Variants in EPHB2 observed in about 807,000 individuals in gnomAD.
EPHB2 encodes the protein EPH receptor B2.
Under a neutral mutation model 96.4 loss-of-function variants are expected in EPHB2, and 18 were observed. That is an observed-to-expected ratio of 0.19 (90% CI 0.13 to 0.28). The LOEUF (loss-of-function observed/expected upper bound fraction) is 0.28. Ranked by LOEUF, EPHB2 falls within the 10% of genes least tolerant of loss-of-function variation. EPHB2 has a pLI of 1.00. For missense variants in EPHB2, 989 were observed against 1,355.4 expected (o/e 0.73, Z 4.25); for synonymous variants, 506 against 534.1 (o/e 0.95, Z 0.72).
At chr1:22,713,719 A>ACTTCCTTCCCTTCCTC (rs1553157211) in intron 1 of EPHB2, among the ~76,000 whole-genome samples, 2 of 152,060 alleles carry the variant, frequency 1.3e-5, no homozygotes, top group Non-Finnish European at 2.9e-5. Context: ...CATGGCTACC[A>ACTTCCTTCCCTTCCTC]CTTCCTTCCC....
intron 1 of EPHB2, among the ~76,000 whole-genome samples, chr1:22,753,572 C>T (rs764506340): frequency 2.6e-5 from 4 of 152,152 alleles, no homozygotes; most frequent in South Asian, 2.1e-4. Context: ...AAGGCAAGGG[C>T]TGGCTAGGTG....
intron 3 of EPHB2, among the ~76,000 whole-genome samples, chr1:22,803,317 C>T (rs1207505791): frequency 4.6e-5 from 7 of 152,088 alleles, no homozygotes; most frequent in Non-Finnish European, 1.0e-4. Flanking sequence ...CTGTAAGAAT[C>T]GTGGTTAGGC....
chr1:22,889,932 TTGAC>T (rs1381761116), intron 6 of EPHB2, among the ~76,000 whole-genome samples: 2 of 152,230 alleles, frequency 1.3e-5, no homozygotes, highest in African/African-American at 4.8e-5. Flanking sequence ...AAATTTAAAT[TTGAC>T]TGAGCAGCAT....
intron 9 of EPHB2, among the ~76,000 whole-genome samples, chr1:22,905,208 G>A (rs1639871534): frequency 6.6e-6 from 1 of 152,152 alleles, no homozygotes; most frequent in African/African-American, 2.4e-5. Context: ...AAAAATAAGT[G>A]TTGGACAGAA....
At chr1:22,912,670 T>A in intron 15 of EPHB2, 71 bp downstream of exon 15, 1 of 1,597,966 alleles carries the variant, frequency 6.3e-7, no homozygotes. Flanking sequence ...CCAAGTGGGG[T>A]GATCTGGAGG....
intron 3 of EPHB2, among the ~76,000 whole-genome samples, chr1:22,820,910 A>T (rs4589082): frequency 0.17 from 26,353 of 152,266 alleles, 2,885 homozygotes; most frequent in Non-Finnish European, 0.24. Flanking sequence ...GTATGTTTGA[A>T]TCCACGGCAT....
At chr1:22,901,829 G>GTGTGTGTGTT (rs1553176901) in intron 9 of EPHB2, among the ~76,000 whole-genome samples, 7 of 151,770 alleles carry the variant, frequency 4.6e-5, no homozygotes, top group African/African-American at 1.7e-4. Context: ...GAGTGTGTGT[G>GTGTGTGTGTT]TGTGTGTGTG....
intron 1 of EPHB2, chr1:22,774,732 A>G (rs1220309427): frequency 2.0e-6 from 1 of 498,314 alleles, no homozygotes; most frequent in Non-Finnish European, 2.6e-6. Context: ...AAGGGCGATC[A>G]CACATGGACT....
In EPHB2 at chr1:22,730,685, C is replaced by A. The variant is rs113078836; in HGVS notation, c.61+19642C>A. On this transcript the variant is annotated intron_variant, in intron 1 of 15. Coordinates refer to ENST00000374630, the MANE Select transcript of EPHB2 (RefSeq NM_017449.5). ...GCAGTGAGGAGAGCTGGGCAAAGGC[C>A]CTGTGACAGGGGTGTGCAAGGCAGC... is the stretch of plus-strand genomic sequence containing the variant. Among the ~76,000 whole-genome samples the A allele has an allele frequency of 3.8e-3, 571 of 151,866 alleles. 4 individuals carry two copies. Among genetic ancestry groups the A allele is most frequent in the African/African-American group, 0.013 (526 of 41,368 alleles).
At chr1:22,769,117 G>A (rs1469164099) in intron 1 of EPHB2, among the ~76,000 whole-genome samples, 1 of 152,122 alleles carries the variant, frequency 6.6e-6, no homozygotes, top group Non-Finnish European at 1.5e-5. Context: ...GGTGGGATGG[G>A]CCCCAGCCAT....
intron 1 of EPHB2, among the ~76,000 whole-genome samples, chr1:22,746,450 G>A (rs1241332953): frequency 6.6e-6 from 1 of 152,194 alleles, no homozygotes; most frequent in Non-Finnish European, 1.5e-5. Flanking sequence ...CTGGAACTGA[G>A]AGCTCCATGA....
chr1:22,857,894 C>T (rs1032425750), intron 3 of EPHB2, among the ~76,000 whole-genome samples: 9 of 152,156 alleles, frequency 5.9e-5, no homozygotes, highest in South Asian at 4.1e-4. Context: ...CAGACAGACC[C>T]GGCTCCTCCT....
intron 3 of EPHB2, among the ~76,000 whole-genome samples, chr1:22,799,029 C>T (rs934870773): frequency 6.6e-6 from 1 of 152,188 alleles, no homozygotes; most frequent in Non-Finnish European, 1.5e-5. Context: ...CTAATATGTG[C>T]GTGTGTCACG....
intron 3 of EPHB2, among the ~76,000 whole-genome samples, chr1:22,789,890 A>G (rs1644666682): frequency 6.6e-6 from 1 of 152,172 alleles, no homozygotes; most frequent in East Asian, 1.9e-4. Flanking sequence ...CTGTGGGGAA[A>G]GCATTCCAGG....
chr1:22,916,235 C>G lies in EPHB2; in HGVS notation c.*2665C>G, dbSNP rs1471291354. 1 of 152,362 alleles carries G rather than the reference C, an allele frequency of 6.6e-6. No homozygotes were observed. The highest frequency in any genetic ancestry group is 2.4e-5 in the African/African-American group (1 of 41,464). 9.4% of individuals were successfully genotyped at this position (152,362 alleles called of 1,614,324 possible). On this transcript the variant is annotated 3_prime_UTR_variant, in exon 16 of 16. Transcript: ENST00000374630. This position sits in a 1 kb window ranked among gnomAD's most constrained non-coding sequence, Gnocchi z 4.2. ...TCTGTCTCCCCAGCCCACCCCCCAA[C>G]TGTTCTGGGGCCCCACATGGGGCTG... is the stretch of plus-strand genomic sequence containing the variant.
intron 1 of EPHB2, among the ~76,000 whole-genome samples, chr1:22,779,691 A>T (rs1437432231): frequency 1.3e-5 from 2 of 151,980 alleles, no homozygotes; most frequent in Non-Finnish European, 2.9e-5. Context: ...TGTGTCACCA[A>T]CTCCTATGCA....
chr1:22,806,654 G>A (rs1463115661), intron 3 of EPHB2, among the ~76,000 whole-genome samples: 2 of 152,232 alleles, frequency 1.3e-5, no homozygotes, highest in Non-Finnish European at 2.9e-5. Context: ...CGCCAGGCAG[G>A]TGTTAGCTGT....
rs560229989 is a variant in EPHB2, at chr1:22,773,033, C to T, written c.62-8388C>T. On this transcript the variant is annotated intron_variant, in intron 1 of 15. Transcript: ENST00000374630. The stretch of plus-strand genomic sequence containing the variant: ...CTCTGGGATGTAAATGAGACAATAT[C>T]GATGAAGTGCCTGCCCCTAGGTGGC... Among the ~76,000 whole-genome samples the T allele has an allele frequency of 3.3e-5, 5 of 152,160 alleles. No homozygotes were observed. In the South Asian group the frequency reaches 8.3e-4, roughly 25 times the overall value.
chr1:22,753,614 C>T (rs1159288248), intron 1 of EPHB2, among the ~76,000 whole-genome samples: 7 of 152,050 alleles, frequency 4.6e-5, no homozygotes, highest in African/African-American at 1.4e-4. Flanking sequence ...GCGTGGAGTG[C>T]GGAGTGGGAG....
Sources: allele counts gnomAD v4.1 joint callset (sites outside exome capture counted in the v4.1 genomes callset), GRCh38; gene constraint gnomAD v4.1.1; non-coding constraint Gnocchi (gnomAD v3.1); transcripts MANE v1.5; gene names NCBI Gene and HGNC (gene_info 2026-07-23, HGNC 2026-07-21).